The following PLCE1 variants were observed in gnomAD, a reference collection of about 807,000 sequenced individuals.
PLCE1 encodes the protein 1-phosphatidylinositol 4,5-bisphosphate phosphodiesterase epsilon-1.
A neutral mutation model predicts 242.8 loss-of-function variants in PLCE1; 119 were observed. That is an observed-to-expected ratio of 0.49 (90% CI 0.42 to 0.57). The LOEUF (loss-of-function observed/expected upper bound fraction) is 0.57. Among genes scored for constraint, PLCE1 ranks in the 20% least tolerant of loss-of-function variants. The pLI, the probability that PLCE1 is intolerant of heterozygous loss-of-function variation, is 0.00. For synonymous variants in PLCE1, 945 were observed against 1,017.4 expected, an observed-to-expected ratio of 0.93 and a Z score of 1.35; for missense variants, 2,441 against 2,788.8, an observed-to-expected ratio of 0.88 and a Z score of 2.81.
intron 2 of PLCE1, among the ~76,000 whole-genome samples, chr10:94,089,593 C>A (rs1453235653): frequency 1.3e-5 from 2 of 151,994 alleles, no homozygotes; most frequent in Non-Finnish European, 2.9e-5. Context: ...AATTATTTTT[C>A]TTGCTGTGCA....
chr10:94,001,894 G>A (rs989915734), intron 1 of PLCE1, among the ~76,000 whole-genome samples: 1 of 152,218 alleles, frequency 6.6e-6, no homozygotes, highest in Non-Finnish European at 1.5e-5. Context: ...GCATGAAATT[G>A]TATTCCTTTT....
intron 4 of PLCE1, among the ~76,000 whole-genome samples, chr10:94,172,209 C>T (rs926978070): frequency 6.2e-4 from 95 of 152,198 alleles, no homozygotes; most frequent in African/African-American, 2.1e-3. Flanking sequence ...TAGGGAGGAG[C>T]GTCAGGAAAG....
In PLCE1 at chr10:94,241,665, C is replaced by T. The variant is rs185293534; in HGVS notation, c.2421-4281C>T. The stretch of plus-strand genomic sequence containing the variant: ...ATTAGCCGGGTGTGGTGGCGGGCAC[C>T]TGTAATCCCAACTACTCAGGAGGCT... On this transcript the variant is annotated intron_variant, in intron 7 of 32. Coordinates refer to ENST00000371380, the MANE Select transcript of PLCE1 (RefSeq NM_016341.4). 1.4e-4 allele frequency among the ~76,000 whole-genome samples: 21 copies of T among 152,130 alleles called. No individual in the cohort carries two copies. In the East Asian group the frequency reaches 4.1e-3, roughly 29 times the overall value.
chr10:94,019,166 A>G (rs1055227458), intron 1 of PLCE1, among the ~76,000 whole-genome samples: 1 of 152,178 alleles, frequency 6.6e-6, no homozygotes, highest in African/African-American at 2.4e-5. Context: ...TTTAAGATAA[A>G]CCTGTTAAGT....
In PLCE1 at chr10:94,119,155, A is replaced by G. The variant is rs569993529; in HGVS notation, c.1207-13019A>G. 1.4e-4 allele frequency among the ~76,000 whole-genome samples: 22 copies of G among 152,300 alleles called. 1 individual carries two copies. The East Asian group carries it at 4.0e-3, about 28-fold the overall frequency. On this transcript the variant is annotated intron_variant, in intron 2 of 32. Transcript: ENST00000371380. Reference sequence around the variant, plus strand: ...CTCTCCTGTTCCAGGCTGGTAGGTAATGTGTACTTTGTCCTTTCTCATTGG... The same window carrying G: ...CTCTCCTGTTCCAGGCTGGTAGGTAGTGTGTACTTTGTCCTTTCTCATTGG...
intron 2 of PLCE1, among the ~76,000 whole-genome samples, chr10:94,050,280 C>T (rs535139999): frequency 3.9e-5 from 6 of 152,258 alleles, no homozygotes; most frequent in African/African-American, 9.6e-5. Context: ...GAAGCAGTCA[C>T]CTTCTTCACA....
intron 1 of PLCE1, among the ~76,000 whole-genome samples, chr10:94,005,557 G>A (rs2061018292): frequency 6.6e-6 from 1 of 152,188 alleles, no homozygotes; most frequent in South Asian, 2.1e-4. Flanking sequence ...ACCTCTGTGA[G>A]TGCAGTTGCA....
intron 8 of PLCE1, among the ~76,000 whole-genome samples, chr10:94,250,814 A>G (rs1411459667): frequency 6.6e-6 from 1 of 152,232 alleles, no homozygotes; most frequent in African/African-American, 2.4e-5. Context: ...CATAAATAAA[A>G]GTTTTACTCT....
chr10:94,200,601 A>G lies in PLCE1; in HGVS notation c.1810-26705A>G, dbSNP rs375210678. The stretch of plus-strand genomic sequence containing the variant: ...AACTCATGAATACTCCACCCTCTAG[A>G]AGGTGGAGCCTAACTCCCTACTTGT... On this transcript the variant is annotated intron_variant, in intron 4 of 32. Coordinates refer to ENST00000371380, the MANE Select transcript of PLCE1 (RefSeq NM_016341.4). Among the ~76,000 whole-genome samples, 42 of 152,322 alleles carry G rather than the reference A, an allele frequency of 2.8e-4. 1 individual carries two copies. The highest frequency in any genetic ancestry group is 9.9e-4 in the African/African-American group (41 of 41,564).
chr10:94,324,228 T>C, intron 30 of PLCE1, 121 bp from the exon 31 acceptor site: 1 of 806,520 alleles, frequency 1.2e-6, no homozygotes, highest in South Asian at 1.4e-5. Context: ...GATGAAATGA[T>C]CTGGAAGATC....
chr10:94,130,607 A>C (rs891926210), intron 2 of PLCE1, among the ~76,000 whole-genome samples: 7 of 152,154 alleles, frequency 4.6e-5, no homozygotes, highest in Non-Finnish European at 8.8e-5. Flanking sequence ...CTGACCCCAA[A>C]CCTGGGCTCT....
chr10:94,071,299 A>AAT (rs2044344569), intron 2 of PLCE1, among the ~76,000 whole-genome samples: 2 of 152,014 alleles, frequency 1.3e-5, no homozygotes, highest in Non-Finnish European at 2.9e-5. Flanking sequence ...GGCATCACTG[A>AAT]AGCTCTTCAT....
intron 3 of PLCE1, among the ~76,000 whole-genome samples, chr10:94,170,327 G>A (rs1449737858): frequency 3.9e-5 from 6 of 152,158 alleles, no homozygotes; most frequent in African/African-American, 7.2e-5. Flanking sequence ...GAGACTTTCC[G>A]TTTGTTGAAT....
At chr10:94,172,856 G>A (rs1394377063) in intron 4 of PLCE1, among the ~76,000 whole-genome samples, 1 of 152,122 alleles carries the variant, frequency 6.6e-6, no homozygotes, top group African/African-American at 2.4e-5. Flanking sequence ...CTTTCTAACT[G>A]TAGCTCACTT....
At chr10:94,264,184 G>A (rs1426941476) in intron 14 of PLCE1, among the ~76,000 whole-genome samples, 5 of 152,196 alleles carry the variant, frequency 3.3e-5, no homozygotes, top group Admixed American at 3.3e-4. Context: ...GGGCTGAGGA[G>A]AGTAAGCAAA....
At position 94,091,345 on chromosome 10, in the gene PLCE1, C is replaced by A. The variant is rs111917395; in HGVS notation, c.1207-40829C>A. 6.6e-3 allele frequency among the ~76,000 whole-genome samples: 1,003 copies of A among 152,326 alleles called. 13 individuals carry two copies. The highest frequency in any genetic ancestry group is 0.023 in the African/African-American group (960 of 41,576). On this transcript the variant is annotated intron_variant, in intron 2 of 32. Transcript: ENST00000371380. ...AAGCCTCCTCCATGGCATCTTAACACTCAGTTCTTCCCTCAGCAGTAAACA... is the reference window on the plus strand; with the variant it reads ...AAGCCTCCTCCATGGCATCTTAACAATCAGTTCTTCCCTCAGCAGTAAACA...
chr10:94,035,755 T>A (rs2061652447), intron 2 of PLCE1, among the ~76,000 whole-genome samples: 1 of 152,200 alleles, frequency 6.6e-6, no homozygotes, highest in African/African-American at 2.4e-5. Context: ...TCTTGTTTTT[T>A]AGTTTAGAAT....
Position 94,031,011 on chromosome 10 carries a change from A to G in PLCE1, c.-36A>G, listed in dbSNP as rs765882112. ...TTGACATGATCACCAGGGAGGAAAA[A>G]TAGAGCAATAGTCAAAACCTGTGTG... On this transcript the variant is annotated 5_prime_UTR_variant, in exon 2 of 33. Coordinates refer to ENST00000371380, the MANE Select transcript of PLCE1 (RefSeq NM_016341.4). The G allele has an allele frequency of 1.9e-6, 3 of 1,611,254 alleles. No individual in the cohort carries two copies. The highest frequency in any genetic ancestry group is 1.7e-5 in the Admixed American group (1 of 59,956).
intron 3 of PLCE1, among the ~76,000 whole-genome samples, chr10:94,144,443 T>G (rs546146780): frequency 6.6e-6 from 1 of 152,270 alleles, no homozygotes; most frequent in African/African-American, 2.4e-5. Flanking sequence ...CTCCAGTGAT[T>G]TTGAGGATGT....
Sources: allele counts gnomAD v4.1 joint callset (sites outside exome capture counted in the v4.1 genomes callset), GRCh38; gene constraint gnomAD v4.1.1; transcripts MANE v1.5; gene names NCBI Gene and HGNC (gene_info 2026-07-23, HGNC 2026-07-21).